Variants in SIL1 observed in about 807,000 individuals in gnomAD.
SIL1 encodes the protein nucleotide exchange factor SIL1.
SIL1 carries 40 observed loss-of-function variants against 49.1 expected under a neutral mutation model. The ratio of observed to expected loss-of-function variants is 0.81; its 90% CI spans 0.63 to 1.06. The LOEUF (loss-of-function observed/expected upper bound fraction) is 1.06, where lower values mean the gene tolerates loss of function less well. Among genes scored for constraint, SIL1 ranks in the 50% least tolerant of loss-of-function variants. The pLI is 0.00. For synonymous variants in SIL1, 253 were observed against 250.8 expected (o/e 1.01, Z -0.08); for missense variants, 500 against 572.6 (o/e 0.87, Z 1.29).
intron 3 of SIL1, among the ~76,000 whole-genome samples, chr5:139,087,562 T>G (rs1581090236): frequency 1.3e-5 from 2 of 152,132 alleles, no homozygotes; most frequent in Middle Eastern, 6.8e-3. Flanking sequence ...AAAAATAAGA[T>G]GACTGCTGAT....
chr5:139,075,975 T>C (rs1449218704), intron 3 of SIL1, among the ~76,000 whole-genome samples: 2 of 152,218 alleles, frequency 1.3e-5, no homozygotes, highest in East Asian at 3.8e-4. Context: ...GGCCCATCCA[T>C]GCTCTTGGTA....
At chr5:139,175,150 C>T (rs571614701) in intron 1 of SIL1, among the ~76,000 whole-genome samples, 1 of 152,054 alleles carries the variant, frequency 6.6e-6, no homozygotes, top group Non-Finnish European at 1.5e-5. Context: ...GGCAAAACCC[C>T]GTCTCTACTA....
intron 3 of SIL1, among the ~76,000 whole-genome samples, chr5:139,096,155 G>A (rs1306929980): frequency 6.6e-6 from 1 of 152,172 alleles, no homozygotes; most frequent in Non-Finnish European, 1.5e-5. Context: ...GCAACTGTGA[G>A]GCACTGAACT....
At chr5:139,179,762 G>C (rs1751949667) in intron 1 of SIL1, among the ~76,000 whole-genome samples, 1 of 152,130 alleles carries the variant, frequency 6.6e-6, no homozygotes, top group Non-Finnish European at 1.5e-5. Context: ...GTAAGGTCAA[G>C]GGTCACACCC....
chr5:139,157,128 CA>C (rs1751422253), intron 1 of SIL1, among the ~76,000 whole-genome samples: 1 of 152,224 alleles, frequency 6.6e-6, no homozygotes, highest in African/African-American at 2.4e-5. Flanking sequence ...AACATCACTG[CA>C]AAAGCTTATC....
intron 1 of SIL1, among the ~76,000 whole-genome samples, chr5:139,186,136 A>G (rs1437225572): frequency 6.6e-6 from 1 of 152,184 alleles, no homozygotes; most frequent in Non-Finnish European, 1.5e-5. Context: ...GCTGAGCAAA[A>G]GGGCAAAAAG....
intron 1 of SIL1, among the ~76,000 whole-genome samples, chr5:139,159,044 A>G (rs1751457031): frequency 6.6e-6 from 1 of 152,084 alleles, no homozygotes; most frequent in Non-Finnish European, 1.5e-5. Flanking sequence ...CCCTGGCAAC[A>G]GGGCTAATGG....
In SIL1 at chr5:139,163,164, A is replaced by G. The variant is rs116573804; in HGVS notation, c.-11+35105T>C. Among the ~76,000 whole-genome samples, 312 of 152,154 alleles carry G rather than the reference A, an allele frequency of 2.1e-3. 2 individuals carry two copies. The highest frequency in any genetic ancestry group is 0.014 in the Middle Eastern group (4 of 294). ...TCGGAATATGAAAGGCCTTATAACC[A>G]GGCTAAGGAGTTTGGAGTTGATTCT... On this transcript the variant is annotated intron_variant, in intron 1 of 9. Coordinates refer to ENST00000394817, the MANE Select transcript of SIL1 (RefSeq NM_022464.5).
chr5:138,970,206 C>A (rs559093498), intron 7 of SIL1, among the ~76,000 whole-genome samples: 3 of 152,358 alleles, frequency 2.0e-5, no homozygotes, highest in Non-Finnish European at 4.4e-5. Context: ...CTGCCACCAA[C>A]AAAGGCAGGC....
chr5:139,003,657 T>C (rs980403512), intron 7 of SIL1, among the ~76,000 whole-genome samples: 28 of 152,274 alleles, frequency 1.8e-4, no homozygotes, highest in African/African-American at 6.7e-4. Context: ...TGAGCATATA[T>C]ATTATCTGCA....
intron 7 of SIL1, among the ~76,000 whole-genome samples, chr5:138,995,582 G>A (rs1767847814): frequency 6.6e-6 from 1 of 152,136 alleles, no homozygotes; most frequent in Non-Finnish European, 1.5e-5. Flanking sequence ...TTACATTCCA[G>A]TTATTTTGAA....
At chr5:138,983,395 G>A (rs557288548) in intron 7 of SIL1, among the ~76,000 whole-genome samples, 1 of 150,296 alleles carries the variant, frequency 6.7e-6, no homozygotes. Flanking sequence ...GTAGTCCCAG[G>A]TACTCGGGAG....
chr5:138,959,761 G>T (rs1172278762), intron 7 of SIL1, among the ~76,000 whole-genome samples: 1 of 152,182 alleles, frequency 6.6e-6, no homozygotes, highest in Non-Finnish European at 1.5e-5. Context: ...AGGGATCCAG[G>T]CTGGACAACC....
At chr5:139,163,540 TTG>T (rs1751559421) in intron 1 of SIL1, among the ~76,000 whole-genome samples, 1 of 152,084 alleles carries the variant, frequency 6.6e-6, no homozygotes, top group East Asian at 1.9e-4. Context: ...TGGCTATTTT[TTG>T]TGTTTTTGGT....
At chr5:139,005,699 G>A (rs1036473399) in intron 7 of SIL1, among the ~76,000 whole-genome samples, 4 of 89,380 alleles carry the variant, frequency 4.5e-5, no homozygotes, top group African/African-American at 1.8e-4. Context: ...GAGAATATGC[G>A]GTGTTTGGTT....
chr5:139,143,300 CATAT>C lies in SIL1; in HGVS notation c.-10-15451_-10-15448del, dbSNP rs201294202. On this transcript the variant is annotated intron_variant, in intron 1 of 9. Coordinates refer to ENST00000394817, the MANE Select transcript of SIL1 (RefSeq NM_022464.5). ...ATATGTATATACACATGTGTATATA[CATAT>C]ATACACACACACACACACACACACA... Among the ~76,000 whole-genome samples, 9 of 76,094 alleles carry C rather than the reference CATAT, an allele frequency of 1.2e-4. 1 individual carries two copies. The highest frequency in any genetic ancestry group is 5.1e-4 in the African/African-American group (8 of 15,542). The allele number at this position is 76,094 out of a possible 152,430, so 49.9% of individuals were successfully genotyped here.
intron 7 of SIL1, among the ~76,000 whole-genome samples, chr5:138,975,767 G>T (rs907173717): frequency 6.6e-6 from 1 of 152,216 alleles, no homozygotes; most frequent in Non-Finnish European, 1.5e-5. Flanking sequence ...GCCCTGTGGA[G>T]AAACTCACAG....
chr5:139,096,976 C>T (rs1770480464), intron 3 of SIL1, among the ~76,000 whole-genome samples: 1 of 152,014 alleles, frequency 6.6e-6, no homozygotes, highest in Non-Finnish European at 1.5e-5. Context: ...AAGGGTGAGT[C>T]CCAGGCCAGG....
At chr5:139,028,677 C>T (rs1768718040) in intron 5 of SIL1, among the ~76,000 whole-genome samples, 1 of 152,112 alleles carries the variant, frequency 6.6e-6, no homozygotes, top group Non-Finnish European at 1.5e-5. Flanking sequence ...GATACAATGT[C>T]AAAATCAAGA....
Sources: allele counts gnomAD v4.1 joint callset (sites outside exome capture counted in the v4.1 genomes callset), GRCh38; gene constraint gnomAD v4.1.1; transcripts MANE v1.5; gene names NCBI Gene and HGNC (gene_info 2026-07-23, HGNC 2026-07-21).